Variants in ALK observed in about 807,000 individuals in gnomAD.
ALK encodes the protein ALK receptor tyrosine kinase.
Under a neutral mutation model 163.1 loss-of-function variants are expected in ALK, and 74 were observed. The ratio of observed to expected loss-of-function variants is 0.45; its 90% CI spans 0.38 to 0.55. ALK has a LOEUF of 0.55. Ranked by LOEUF, ALK falls within the 20% of genes least tolerant of loss-of-function variation. The pLI, the probability that ALK is intolerant of heterozygous loss-of-function variation, is 0.00. For missense variants in ALK, 2,063 were observed against 2,105.3 expected (o/e 0.98, Z 0.39); for synonymous variants, 960 against 843.2 (o/e 1.14, Z -2.40).
rs538881954 is a variant in ALK, at chr2:29,720,384, G to GA, written c.668-2688dup. Reference sequence around the variant, plus strand: ...CCACAGGGTTGAATATTGCAGGGTTGAAAAAAAGCAGAAAGTCTTAACTTG... The same window carrying GA: ...CCACAGGGTTGAATATTGCAGGGTTGAAAAAAAAGCAGAAAGTCTTAACTTG... On this transcript the variant is annotated intron_variant, in intron 1 of 28. Coordinates refer to ENST00000389048, the MANE Select transcript of ALK (RefSeq NM_004304.5). Among the ~76,000 whole-genome samples the GA allele has an allele frequency of 4.1e-3, 631 of 152,168 alleles. 4 individuals are homozygous for GA. Among genetic ancestry groups the GA allele is most frequent in the African/African-American group, 0.014 (596 of 41,536 alleles).
chr2:29,251,069 T>C (rs371839574), intron 12 of ALK, 36 bp downstream of exon 12: 17 of 1,603,626 alleles, frequency 1.1e-5, no homozygotes, highest in Non-Finnish European at 1.4e-5. Context: ...TCGGAAGGGG[T>C]GGTCTGCCCC....
intron 3 of ALK, among the ~76,000 whole-genome samples, chr2:29,682,396 C>T (rs1678097196): frequency 1.3e-5 from 2 of 152,076 alleles, no homozygotes; most frequent in East Asian, 3.9e-4. Context: ...ATTCCCAGTG[C>T]TCTGACCTAT....
At chr2:29,281,124 A>G (rs1665707709) in intron 9 of ALK, among the ~76,000 whole-genome samples, 1 of 152,142 alleles carries the variant, frequency 6.6e-6, no homozygotes, top group Non-Finnish European at 1.5e-5. Flanking sequence ...TGGCATGTAG[A>G]CCACTCTGGG....
At chr2:29,809,344 TGA>T (rs747493812) in intron 1 of ALK, among the ~76,000 whole-genome samples, 108 of 152,360 alleles carry the variant, frequency 7.1e-4, no homozygotes, top group Non-Finnish European at 1.3e-3. Context: ...TCCATCATAC[TGA>T]GAGTTTGAAA....
intron 5 of ALK, among the ~76,000 whole-genome samples, chr2:29,352,473 T>G (rs1002706615): frequency 6.6e-6 from 1 of 152,228 alleles, no homozygotes; most frequent in African/African-American, 2.4e-5. Context: ...ACGCCCAGAA[T>G]GTTCCATGCC....
chr2:29,687,078 C>T (rs1200121493), intron 3 of ALK, among the ~76,000 whole-genome samples: 2 of 151,992 alleles, frequency 1.3e-5, no homozygotes, highest in African/African-American at 4.8e-5. Context: ...ACCCAGTGAC[C>T]TTAGTATGAT....
intron 3 of ALK, among the ~76,000 whole-genome samples, chr2:29,595,607 G>A (rs915405687): frequency 2.6e-5 from 4 of 152,100 alleles, no homozygotes; most frequent in East Asian, 1.9e-4. Context: ...GGCGTGAGCC[G>A]CCGCGCCCAG....
rs567313985 is a variant in ALK at position 29,627,032 on chromosome 2, C to T, written c.952+67818G>A. Among the ~76,000 whole-genome samples the T allele has an allele frequency of 7.9e-5, 12 of 152,272 alleles. No homozygotes were observed. The South Asian group carries it at 2.3e-3, about 29-fold the overall frequency. ...AGACTTGCTTCTAGGAGCCTGGTTG[C>T]AGTTTCCAAAAGAGAAAGATGCCAG... On this transcript the variant is annotated intron_variant, in intron 3 of 28. Coordinates refer to ENST00000389048, the MANE Select transcript of ALK (RefSeq NM_004304.5).
At chr2:29,665,145 CT>C (rs561693827) in intron 3 of ALK, among the ~76,000 whole-genome samples, 11 of 151,674 alleles carry the variant, frequency 7.3e-5, no homozygotes, top group Non-Finnish European at 1.6e-4. Context: ...TGACATTATG[CT>C]TGGATAATTC....
At chr2:29,557,847 T>C (rs1207112682) in intron 3 of ALK, among the ~76,000 whole-genome samples, 1 of 152,140 alleles carries the variant, frequency 6.6e-6, no homozygotes, top group African/African-American at 2.4e-5. Flanking sequence ...TTTGCATGTA[T>C]CTAGTCTCCC....
At chr2:29,866,102 A>G (rs1457487505) in intron 1 of ALK, among the ~76,000 whole-genome samples, 1 of 152,148 alleles carries the variant, frequency 6.6e-6, no homozygotes, top group East Asian at 1.9e-4. Flanking sequence ...GTCTTTCTCT[A>G]CAGGGGAGAG....
chr2:29,867,878 A>T (rs1183615871), intron 1 of ALK, among the ~76,000 whole-genome samples: 1 of 152,218 alleles, frequency 6.6e-6, no homozygotes, highest in African/African-American at 2.4e-5. Context: ...GGTGTGCTGC[A>T]GCAAGATGAC....
At chr2:29,675,442 T>A (rs1336297119) in intron 3 of ALK, among the ~76,000 whole-genome samples, 1 of 151,992 alleles carries the variant, frequency 6.6e-6, no homozygotes, top group African/African-American at 2.4e-5. Flanking sequence ...GAGTTTCCCC[T>A]TAAAGGCAGC....
At chr2:29,378,390 A>G (rs1378974854) in intron 5 of ALK, among the ~76,000 whole-genome samples, 1 of 152,196 alleles carries the variant, frequency 6.6e-6, no homozygotes, top group Non-Finnish European at 1.5e-5. Context: ...CCCTTCCAGC[A>G]GAGATCTTCT....
intron 1 of ALK, among the ~76,000 whole-genome samples, chr2:29,755,851 G>A (rs182623434): frequency 1.4e-4 from 21 of 152,106 alleles, no homozygotes; most frequent in African/African-American, 2.9e-4. Context: ...CACCTGTGCC[G>A]CATCACCCAT....
At chr2:29,274,233 G>A (rs1347335447) in intron 11 of ALK, among the ~76,000 whole-genome samples, 1 of 152,166 alleles carries the variant, frequency 6.6e-6, no homozygotes, top group Non-Finnish European at 1.5e-5. Context: ...CTCATTTTTT[G>A]TACTTTGTGC....
intron 3 of ALK, among the ~76,000 whole-genome samples, chr2:29,601,823 C>T (rs966339374): frequency 5.3e-5 from 8 of 152,040 alleles, no homozygotes; most frequent in African/African-American, 1.9e-4. Context: ...GTCAGGATGC[C>T]CCTTACCAGA....
chr2:29,282,219 CTT>C (rs1367707001), intron 9 of ALK, among the ~76,000 whole-genome samples: 2 of 152,190 alleles, frequency 1.3e-5, no homozygotes, highest in Non-Finnish European at 2.9e-5. Context: ...AGGAAAAACA[CTT>C]TCTCCAATTT....
At chr2:29,565,557 A>C (rs1345148348) in intron 3 of ALK, among the ~76,000 whole-genome samples, 1 of 152,200 alleles carries the variant, frequency 6.6e-6, no homozygotes, top group African/African-American at 2.4e-5. Flanking sequence ...GAGCCTAAAC[A>C]AACAAGAAGA....
Sources: allele counts gnomAD v4.1 joint callset (sites outside exome capture counted in the v4.1 genomes callset), GRCh38; gene constraint gnomAD v4.1.1; transcripts MANE v1.5; gene names NCBI Gene and HGNC (gene_info 2026-07-23, HGNC 2026-07-21).